Variants in ACOXL observed in about 807,000 individuals in gnomAD.
ACOXL encodes acyl-CoA oxidase like.
ACOXL carries 70 observed loss-of-function variants against 71.9 expected under a neutral mutation model. The observed-to-expected ratio is 0.97, with a 90% confidence interval of 0.80 to 1.19. ACOXL has a LOEUF of 1.19. Ranked by LOEUF, ACOXL falls within the 50% of genes most tolerant of loss-of-function variation. ACOXL has a pLI of 0.00. For missense variants in ACOXL, 703 were observed against 736.3 expected (o/e 0.95, Z 0.52); for synonymous variants, 253 against 281.6 (o/e 0.90, Z 1.02).
At chr2:110,995,339 A>C (rs1235096285) in intron 13 of ACOXL, among the ~76,000 whole-genome samples, 2 of 151,280 alleles carry the variant, frequency 1.3e-5, no homozygotes, top group Non-Finnish European at 2.9e-5. Flanking sequence ...GTCTCTACTA[A>C]AAATACAAAA....
intron 12 of ACOXL, among the ~76,000 whole-genome samples, chr2:110,945,652 G>C (rs2061074593): frequency 2.6e-5 from 4 of 152,082 alleles, no homozygotes. Context: ...CAGGTGATCA[G>C]AGGTGTGTGG....
intron 12 of ACOXL, among the ~76,000 whole-genome samples, chr2:110,982,065 T>C (rs2062729514): frequency 6.6e-6 from 1 of 152,236 alleles, no homozygotes; most frequent in South Asian, 2.1e-4. Flanking sequence ...GATTTTTTGC[T>C]GGGCCTAAAT....
chr2:111,030,731 C>A (rs201635278), intron 14 of ACOXL, among the ~76,000 whole-genome samples: 81 of 146,132 alleles, frequency 5.5e-4, no homozygotes, highest in African/African-American at 4.3e-4. Flanking sequence ...TCCTTGAGCA[C>A]AAAAAAAAAA....
chr2:110,909,035 G>A, intron 11 of ACOXL, 130 bp downstream of exon 11: 1 of 673,190 alleles, frequency 1.5e-6, no homozygotes, highest in Non-Finnish European at 2.4e-6. Context: ...GTTAAAATCG[G>A]ATGCCCAGGT....
chr2:110,925,171 A>C (rs2149309380), intron 11 of ACOXL, among the ~76,000 whole-genome samples: 1 of 152,374 alleles, frequency 6.6e-6, no homozygotes, highest in East Asian at 1.9e-4. Context: ...TTTCTAGAGC[A>C]CAGGCAGAGT....
intron 10 of ACOXL, among the ~76,000 whole-genome samples, chr2:110,890,883 C>T (rs1181050506): frequency 6.6e-6 from 1 of 152,158 alleles, no homozygotes; most frequent in African/African-American, 2.4e-5. Flanking sequence ...TTACATTGAA[C>T]TTGCAGCTCA....
chr2:110,733,322 A>C (rs1676425699), intron 1 of ACOXL, among the ~76,000 whole-genome samples: 1 of 152,152 alleles, frequency 6.6e-6, no homozygotes, highest in African/African-American at 2.4e-5. Flanking sequence ...GGTTATAAGA[A>C]GAACTCAGGT....
intron 12 of ACOXL, among the ~76,000 whole-genome samples, chr2:110,980,512 C>G (rs1039903643): frequency 1.3e-5 from 2 of 152,180 alleles, no homozygotes; most frequent in Non-Finnish European, 1.5e-5. Context: ...CAGCAAAGCA[C>G]CCCAAACTTC....
chr2:110,902,660 T>G (rs2059287554), intron 10 of ACOXL, among the ~76,000 whole-genome samples: 1 of 152,198 alleles, frequency 6.6e-6, no homozygotes, highest in Non-Finnish European at 1.5e-5. Context: ...AGAAGCCAGA[T>G]GTTTACATCC....
At chr2:110,806,808 T>A (rs556790869) in intron 9 of ACOXL, among the ~76,000 whole-genome samples, 6 of 152,200 alleles carry the variant, frequency 3.9e-5, no homozygotes, top group African/African-American at 1.2e-4. Context: ...GGGGTGATGA[T>A]GTGTGAAGGA....
At chr2:111,111,553 A>G (rs2069963986) in intron 17 of ACOXL, among the ~76,000 whole-genome samples, 1 of 152,206 alleles carries the variant, frequency 6.6e-6, no homozygotes, top group Non-Finnish European at 1.5e-5. Context: ...CAAAACATTT[A>G]TATGGTTTCC....
At chr2:111,094,633 T>C (rs2068708693) in intron 17 of ACOXL, among the ~76,000 whole-genome samples, 1 of 152,208 alleles carries the variant, frequency 6.6e-6, no homozygotes, top group Non-Finnish European at 1.5e-5. Flanking sequence ...TCATGTCCTA[T>C]TCACCTTCTA....
chr2:110,784,678 A>C, intron 2 of ACOXL, 54 bp from the exon 3 acceptor site: 1 of 1,372,994 alleles, frequency 7.3e-7, no homozygotes, highest in Admixed American at 2.6e-5. Flanking sequence ...CTGTGAATTT[A>C]ACAAGTCAGA....
intron 1 of ACOXL, among the ~76,000 whole-genome samples, chr2:110,756,220 G>A (rs543857174): frequency 6.6e-6 from 1 of 152,066 alleles, no homozygotes; most frequent in East Asian, 1.9e-4. Context: ...TCCGCCTCCC[G>A]GGTTCAAGTG....
At chr2:110,820,753 A>T (rs1688502002) in intron 9 of ACOXL, among the ~76,000 whole-genome samples, 4 of 152,078 alleles carry the variant, frequency 2.6e-5, no homozygotes, top group Admixed American at 6.5e-5. Flanking sequence ...GTACCGGGGG[A>T]CAGAGGTAGG....
chr2:110,921,453 C>T (rs376109789), intron 11 of ACOXL, among the ~76,000 whole-genome samples: 10 of 125,776 alleles, frequency 8.0e-5, no homozygotes, highest in East Asian at 2.9e-4. Context: ...AGTGCAGTGG[C>T]GCCATCTCAG....
At chr2:110,796,176 C>A (rs771358509) in intron 5 of ACOXL, 10 of 152,172 alleles carry the variant, frequency 6.6e-5, no homozygotes, top group East Asian at 1.9e-4. Context: ...CCATTTAAAT[C>A]TCTTACATGT....
At chr2:110,740,579 A>G (rs1429647500) in intron 1 of ACOXL, among the ~76,000 whole-genome samples, 1 of 152,262 alleles carries the variant, frequency 6.6e-6, no homozygotes, top group African/African-American at 2.4e-5. Flanking sequence ...AAAGGAGCAC[A>G]AAAAGATTTT....
intron 9 of ACOXL, among the ~76,000 whole-genome samples, chr2:110,835,237 T>C (rs966560644): frequency 5.9e-5 from 9 of 152,182 alleles, no homozygotes; most frequent in African/African-American, 2.2e-4. Context: ...TTAACTTAAG[T>C]GTGGCTTTTT....
Sources: gnomAD v4.1 joint callset for allele counts (sites outside exome capture counted in the v4.1 genomes callset) on GRCh38, gnomAD v4.1.1 for gene constraint, MANE v1.5 for transcripts, NCBI Gene and HGNC (gene_info 2026-07-23, HGNC 2026-07-21) for gene names.